NDFIP2: variants seen among roughly 807,000 people sequenced by gnomAD.
The protein encoded by NDFIP2 is Nedd4 family interacting protein 2.
A neutral mutation model predicts 36.0 loss-of-function variants in NDFIP2; 19 were observed. The ratio of observed to expected loss-of-function variants is 0.53; its 90% confidence interval spans 0.37 to 0.77. The LOEUF is 0.77. Among genes scored for constraint, NDFIP2 ranks in the 30% least tolerant of loss-of-function variants. The pLI is 0.00. For synonymous variants in NDFIP2, 181 were observed against 167.7 expected (o/e 1.08, Z -0.61); for missense variants, 446 against 435.8 (o/e 1.02, Z -0.21).
In NDFIP2 at chr13:79,481,190, C is replaced by A; in HGVS notation, c.-14C>A. On this transcript the variant is annotated 5_prime_UTR_variant, in exon 1 of 8. Transcript: ENST00000218652. Reference sequence around the variant, plus strand: ...CTCCTCCCACCCAGCTATACCCTCCCACTGGCGGCGCGGATGGCACGCCGG... The same window carrying A: ...CTCCTCCCACCCAGCTATACCCTCCAACTGGCGGCGCGGATGGCACGCCGG... The A allele has an allele frequency of 6.7e-7, 1 of 1,499,572 alleles. No individual in the cohort carries two copies. Among genetic ancestry groups the A allele is most frequent in the South Asian group, 1.3e-5 (1 of 77,638 alleles). 92.9% of individuals were successfully genotyped at this position (1,499,572 alleles called of 1,614,324 possible).
intron 6 of NDFIP2, among the ~76,000 whole-genome samples, chr13:79,549,854 G>C (rs1338137240): frequency 2.6e-5 from 4 of 151,784 alleles, no homozygotes; most frequent in African/African-American, 7.2e-5. Flanking sequence ...CCAAAAGGAG[G>C]GAGTTAGGAT....
At position 79,556,053 on chromosome 13, in the gene NDFIP2, CAA is replaced by C. The variant is rs565240997; in HGVS notation, c.*3543_*3544del. On this transcript the variant is annotated 3_prime_UTR_variant, in exon 8 of 8. Coordinates refer to ENST00000218652, the MANE Select transcript of NDFIP2 (RefSeq NM_019080.3). Reference sequence around the variant, plus strand: ...CAGATTGTGGTTTAATTTTAATAAACAAAATATCATCTTTTTGAAAATAATTT... The same window carrying C: ...CAGATTGTGGTTTAATTTTAATAAACAATATCATCTTTTTGAAAATAATTT... 3 of 152,036 alleles carry C rather than the reference CAA, an allele frequency of 2.0e-5. No homozygotes were observed. The highest frequency in any genetic ancestry group is 4.4e-5 in the Non-Finnish European group (3 of 67,960). The allele number at this position is 152,036 out of a possible 1,614,324, so 9.4% of individuals were successfully genotyped here.
At chr13:79,504,959 C>G (rs1422027951) in intron 1 of NDFIP2, among the ~76,000 whole-genome samples, 2 of 151,960 alleles carry the variant, frequency 1.3e-5, no homozygotes, top group African/African-American at 4.8e-5. Context: ...TCAGATTATC[C>G]CAGATTTGGC....
chr13:79,507,914 TG>T (rs1271936961), intron 1 of NDFIP2, among the ~76,000 whole-genome samples: 1 of 152,140 alleles, frequency 6.6e-6, no homozygotes, highest in African/African-American at 2.4e-5. Flanking sequence ...ATCCTGAAGT[TG>T]ATATTTATCA....
rs1008378259 is a variant in NDFIP2 at position 79,507,566 on chromosome 13, G to A, written c.322-13244G>A. ...TGGGATTACAGGCGTGAGCCACCGCGCCCGGCCTCTGATTGAGTTTTTAGT... is the reference window on the plus strand; with the variant it reads ...TGGGATTACAGGCGTGAGCCACCGCACCCGGCCTCTGATTGAGTTTTTAGT... On this transcript the variant is annotated intron_variant, in intron 1 of 7. Coordinates refer to ENST00000218652, the MANE Select transcript of NDFIP2 (RefSeq NM_019080.3). Among the ~76,000 whole-genome samples the A allele has an allele frequency of 4.4e-4, 8 of 18,062 alleles. 2 individuals carry two copies. The African/African-American group carries it at 9.8e-3, about 22-fold the overall frequency. The allele number at this position is 18,062 out of a possible 152,430, so 11.8% of individuals were successfully genotyped here.
In NDFIP2 at chr13:79,555,720, CAT is replaced by C. The variant is rs1295195884; in HGVS notation, c.*3212_*3213del. The C allele has an allele frequency of 2.6e-5, 4 of 151,960 alleles. No homozygotes were observed. Among genetic ancestry groups the C allele is most frequent in the South Asian group, 2.1e-4 (1 of 4,814 alleles). 9.4% of individuals were successfully genotyped at this position (151,960 alleles called of 1,614,324 possible). On this transcript the variant is annotated 3_prime_UTR_variant, in exon 8 of 8. Coordinates refer to ENST00000218652, the MANE Select transcript of NDFIP2 (RefSeq NM_019080.3). The stretch of plus-strand genomic sequence containing the variant: ...AATTCTTCAAATAGTCATATGAAAA[CAT>C]ATATTTGATAAAGGTCAATTGTTAG...
chr13:79,544,736 A>G (rs1381776762), intron 5 of NDFIP2, among the ~76,000 whole-genome samples: 1 of 152,100 alleles, frequency 6.6e-6, no homozygotes, highest in Non-Finnish European at 1.5e-5. Context: ...CTTTAATAAT[A>G]TATATTATGA....
chr13:79,517,622 G>C (rs773519547), intron 1 of NDFIP2, among the ~76,000 whole-genome samples: 4 of 152,192 alleles, frequency 2.6e-5, no homozygotes, highest in Non-Finnish European at 5.9e-5. Flanking sequence ...GGGTTTTACT[G>C]TTGATGCATG....
intron 5 of NDFIP2, among the ~76,000 whole-genome samples, chr13:79,546,141 C>T (rs575480442): frequency 6.6e-6 from 1 of 152,156 alleles, no homozygotes; most frequent in African/African-American, 2.4e-5. Flanking sequence ...CTATAATGCT[C>T]CAAGTAAAAC....
At chr13:79,485,787 T>A (rs1335863791) in intron 1 of NDFIP2, among the ~76,000 whole-genome samples, 1 of 152,208 alleles carries the variant, frequency 6.6e-6, no homozygotes, top group African/African-American at 2.4e-5. Context: ...TCTACTTCTC[T>A]TGACTTTTTC....
chr13:79,482,319 A>G (rs1292439829), intron 1 of NDFIP2, among the ~76,000 whole-genome samples: 2 of 152,038 alleles, frequency 1.3e-5, no homozygotes, highest in African/African-American at 2.4e-5. Flanking sequence ...ATGTTGAAAA[A>G]AGTGAAATGT....
intron 2 of NDFIP2, among the ~76,000 whole-genome samples, chr13:79,531,310 G>C (rs1420629475): frequency 6.6e-6 from 1 of 152,162 alleles, no homozygotes; most frequent in Non-Finnish European, 1.5e-5. Context: ...AGAGTAGACT[G>C]AGCATAATTC....
In NDFIP2 at chr13:79,543,965, G is replaced by A. The variant is rs201849664; in HGVS notation, c.840+283G>A. 3.3e-5 allele frequency among the ~76,000 whole-genome samples: 5 copies of A among 152,150 alleles called. No homozygotes were observed. The East Asian group carries it at 5.8e-4, about 18-fold the overall frequency. Reference sequence around the variant, plus strand: ...TCTTAACTTTATTTAATTGTTCTGAGCATTAGTTTCTTTATAATAGGCTGA... The same window carrying A: ...TCTTAACTTTATTTAATTGTTCTGAACATTAGTTTCTTTATAATAGGCTGA... On this transcript the variant is annotated intron_variant, in intron 5 of 7. Coordinates refer to ENST00000218652, the MANE Select transcript of NDFIP2 (RefSeq NM_019080.3).
At position 79,508,287 on chromosome 13, in the gene NDFIP2, C is replaced by CTT. The variant is rs566009315; in HGVS notation, c.322-12520_322-12519dup. Reference sequence around the variant, plus strand: ...AAGTAGAACTGTTGGGTCCTGCACACTTTTACCTTTACTAGTGTTACTGGA... The same window carrying CTT: ...AAGTAGAACTGTTGGGTCCTGCACACTTTTTTACCTTTACTAGTGTTACTGGA... On this transcript the variant is annotated intron_variant, in intron 1 of 7. Coordinates refer to ENST00000218652, the MANE Select transcript of NDFIP2 (RefSeq NM_019080.3). 7.6e-4 allele frequency among the ~76,000 whole-genome samples: 116 copies of CTT among 152,258 alleles called. 1 individual carries two copies. The highest frequency in any genetic ancestry group is 2.7e-3 in the African/African-American group (111 of 41,544).
chr13:79,542,528 A>G lies in NDFIP2; in HGVS notation c.716-1030A>G, dbSNP rs141632465. On this transcript the variant is annotated intron_variant, in intron 4 of 7. Transcript: ENST00000218652. Reference sequence around the variant, plus strand: ...CTGTTTTTTGTTTTTTTTTTCAGACATTCTAATAGTTTGGTGATGGTATCT... The same window carrying G: ...CTGTTTTTTGTTTTTTTTTTCAGACGTTCTAATAGTTTGGTGATGGTATCT... 2.2e-4 allele frequency among the ~76,000 whole-genome samples: 33 copies of G among 148,466 alleles called. No homozygotes were observed. In the East Asian group the frequency reaches 6.2e-3, roughly 28 times the overall value.
chr13:79,545,281 C>T (rs1875623150), intron 5 of NDFIP2, among the ~76,000 whole-genome samples: 1 of 152,118 alleles, frequency 6.6e-6, no homozygotes, highest in African/African-American at 2.4e-5. Context: ...TCTTATACAA[C>T]TTATGTCCTT....
At chr13:79,551,914 T>TTAG (rs1875923959) in intron 7 of NDFIP2, among the ~76,000 whole-genome samples, 2 of 151,502 alleles carry the variant, frequency 1.3e-5, no homozygotes, top group Non-Finnish European at 3.0e-5. Context: ...CCAAAATGTC[T>TTAG]ACTAGTACTT....
chr13:79,523,265 G>C (rs1286513231), intron 2 of NDFIP2, among the ~76,000 whole-genome samples: 1 of 152,120 alleles, frequency 6.6e-6, no homozygotes, highest in Non-Finnish European at 1.5e-5. Flanking sequence ...TTGTTGCCCA[G>C]GCTGGAGTGC....
intron 1 of NDFIP2, among the ~76,000 whole-genome samples, chr13:79,510,883 C>T (rs905521535): frequency 6.6e-6 from 1 of 151,584 alleles, no homozygotes; most frequent in Non-Finnish European, 1.5e-5. Flanking sequence ...CCTGTAATCT[C>T]AGCTACTTGG....
Sources: allele counts gnomAD v4.1 joint callset (sites outside exome capture counted in the v4.1 genomes callset), GRCh38; gene constraint gnomAD v4.1.1; transcripts MANE v1.5; gene names NCBI Gene and HGNC (gene_info 2026-07-23, HGNC 2026-07-21).